The following MIA2 variants were observed in gnomAD, a reference collection of about 807,000 sequenced individuals.
MIA2 encodes the protein melanoma inhibitory activity protein 2.
In MIA2, 127 loss-of-function variants were observed where a neutral mutation model predicts 167.8. That is an observed-to-expected ratio of 0.76 (90% CI 0.66 to 0.88). MIA2 has a LOEUF of 0.88. Ranked by LOEUF, MIA2 falls within the 40% of genes least tolerant of loss-of-function variation. The pLI, the probability that MIA2 is intolerant of heterozygous loss-of-function variation, is 0.00. For missense variants in MIA2, 1,690 were observed against 1,624.7 expected, an observed-to-expected ratio of 1.04 and a Z score of -0.69; for synonymous variants, 552 against 541.9, an observed-to-expected ratio of 1.02 and a Z score of -0.26.
chr14:39,235,775 C>T (rs2053708944), intron 1 of MIA2, among the ~76,000 whole-genome samples: 2 of 151,730 alleles, frequency 1.3e-5, no homozygotes, highest in South Asian at 4.1e-4. Context: ...AAGACCCTGC[C>T]TCAAAAAAAT....
chr14:39,386,395 A>C, intron 23 of MIA2: 5 of 1,553,364 alleles, frequency 3.2e-6, no homozygotes, highest in African/African-American at 1.4e-5. Context: ...CGCTTACACT[A>C]CGTTTCCTTT....
At chr14:39,260,591 C>A (rs2055054058) in intron 6 of MIA2, among the ~76,000 whole-genome samples, 1 of 152,138 alleles carries the variant, frequency 6.6e-6, no homozygotes. Context: ...AAGTTCTTTG[C>A]AGATTCTGGA....
chr14:39,346,413 T>C (rs2073259269), intron 26 of MIA2, among the ~76,000 whole-genome samples: 1 of 152,098 alleles, frequency 6.6e-6, no homozygotes, highest in Non-Finnish European at 1.5e-5. Context: ...GCATGCTCTG[T>C]TGATATTGTA....
chr14:39,309,782 C>A, intron 18 of MIA2, among the ~76,000 whole-genome samples: 1 of 152,130 alleles, frequency 6.6e-6, no homozygotes. Flanking sequence ...GGTAACTGTT[C>A]AGTACATGTT....
chr14:39,281,780 C>G (rs1047855154), intron 9 of MIA2, among the ~76,000 whole-genome samples: 1 of 151,808 alleles, frequency 6.6e-6, no homozygotes, highest in Admixed American at 6.6e-5. Context: ...CGCTGCCACG[C>G]CTGGCTAATT....
chr14:39,313,540 T>C (rs2064747364), intron 19 of MIA2, 99 bp downstream of exon 19: 1 of 664,518 alleles, frequency 1.5e-6, no homozygotes, highest in Admixed American at 3.4e-5. Context: ...ATAGAAAACA[T>C]TTTAAAATCT....
At chr14:39,279,410 A>T (rs2058614245) in intron 8 of MIA2, 39 bp from the exon 9 acceptor site, 3 of 1,599,624 alleles carry the variant, frequency 1.9e-6, no homozygotes, top group Non-Finnish European at 1.7e-6. Flanking sequence ...AAAAACTTAT[A>T]ATAATTTACT....
intron 23 of MIA2, among the ~76,000 whole-genome samples, chr14:39,369,378 A>G (rs905776344): frequency 2.6e-5 from 4 of 152,208 alleles, no homozygotes; most frequent in African/African-American, 9.6e-5. Flanking sequence ...GCTTGGGATT[A>G]TAGGACTAGA....
At chr14:39,324,071 G>T (rs1055408434) in intron 24 of MIA2, among the ~76,000 whole-genome samples, 1 of 152,168 alleles carries the variant, frequency 6.6e-6, no homozygotes, top group Non-Finnish European at 1.5e-5. Context: ...GAATAATACT[G>T]AGTACAAGTA....
chr14:39,287,608 G>C (rs1478974063), intron 9 of MIA2, among the ~76,000 whole-genome samples: 1 of 151,342 alleles, frequency 6.6e-6, no homozygotes, highest in East Asian at 1.9e-4. Context: ...TCTTTCACTA[G>C]GCTGGAATGC....
intron 25 of MIA2, among the ~76,000 whole-genome samples, chr14:39,331,798 G>T (rs930230451): frequency 1.3e-5 from 2 of 152,200 alleles, no homozygotes; most frequent in African/African-American, 4.8e-5. Context: ...CTTCTGGCTT[G>T]TAGGGTTTCT....
intron 7 of MIA2, among the ~76,000 whole-genome samples, chr14:39,278,016 C>T (rs982807693): frequency 5.3e-5 from 8 of 151,482 alleles, no homozygotes; most frequent in African/African-American, 1.5e-4. Flanking sequence ...TCCTGTCACC[C>T]GGGCTGGAGC....
At chr14:39,306,153 GTACAATTTCCTA>G (rs898590982) in intron 17 of MIA2, among the ~76,000 whole-genome samples, 4 of 151,574 alleles carry the variant, frequency 2.6e-5, no homozygotes, top group Admixed American at 2.6e-4. Flanking sequence ...AGATAGTTAC[GTACAATTTCCTA>G]TACATTTAAT....
intron 23 of MIA2, among the ~76,000 whole-genome samples, chr14:39,380,070 C>T (rs182875300): frequency 2.9e-3 from 436 of 152,136 alleles, no homozygotes; most frequent in African/African-American, 9.9e-3. Flanking sequence ...TGAAGGCTTT[C>T]GGTTTCATAA....
At chr14:39,265,257 A>T (rs1281552967) in intron 6 of MIA2, 2 of 724,466 alleles carry the variant, frequency 2.8e-6, no homozygotes, top group East Asian at 5.7e-5. Flanking sequence ...TTTACCACAC[A>T]AATGTCAAAA....
At chr14:39,313,556 G>T (rs1481880099) in intron 19 of MIA2, 115 bp downstream of exon 19, 1 of 574,062 alleles carries the variant, frequency 1.7e-6, no homozygotes, top group Non-Finnish European at 3.0e-6. Context: ...AATCTGACAG[G>T]TGGTACAGAC....
chr14:39,263,001 C>G (rs889284505), intron 6 of MIA2, among the ~76,000 whole-genome samples: 2 of 152,190 alleles, frequency 1.3e-5, no homozygotes, highest in Non-Finnish European at 2.9e-5. Context: ...ACTGAATACC[C>G]TTTATTTCCT....
intron 13 of MIA2, among the ~76,000 whole-genome samples, chr14:39,299,177 A>G (rs1303200638): frequency 6.7e-6 from 1 of 149,034 alleles, no homozygotes; most frequent in Non-Finnish European, 1.5e-5. Flanking sequence ...AGCTTTATGT[A>G]GTCAAGTCTA....
intron 23 of MIA2, among the ~76,000 whole-genome samples, chr14:39,357,249 A>G (rs958535464): frequency 6.6e-6 from 1 of 152,200 alleles, no homozygotes; most frequent in African/African-American, 2.4e-5. Context: ...TATTGGGCAC[A>G]TATATATTTA....
Sources: allele counts gnomAD v4.1 joint callset (sites outside exome capture counted in the v4.1 genomes callset), GRCh38; gene constraint gnomAD v4.1.1; transcripts MANE v1.5; gene names NCBI Gene and HGNC (gene_info 2026-07-23, HGNC 2026-07-21).